The following NECAB2 variants were observed in gnomAD, a reference collection of about 807,000 sequenced individuals.
NECAB2 encodes N-terminal EF-hand calcium-binding protein 2.
In NECAB2, 68 loss-of-function variants were observed where a neutral mutation model predicts 51.9. The ratio of observed to expected loss-of-function variants is 1.31; its 90% CI spans 1.08 to 1.60. The LOEUF (loss-of-function observed/expected upper bound fraction) is 1.60, where lower values mean the gene tolerates loss of function less well. Among genes scored for constraint, NECAB2 ranks in the 40% most tolerant of loss-of-function variants. The pLI is 0.00. For synonymous variants in NECAB2, 329 were observed against 203.5 expected, an observed-to-expected ratio of 1.62 and a Z score of -5.25; for missense variants, 854 against 490.3, an observed-to-expected ratio of 1.74 and a Z score of -7.00.
chr16:83,997,364 C>A (rs1025089611), intron 9 of NECAB2, 95 bp downstream of exon 9: 15 of 1,506,902 alleles, frequency 1.0e-5, no homozygotes, highest in African/African-American at 1.4e-5. Flanking sequence ...ACCCCGCTCT[C>A]CCTGCTTGGG....
rs774622267 is a variant in NECAB2 at position 83,994,364 on chromosome 16, C to T, written c.659C>T (p.Ala220Val). ...ACCTGGTGTGGAAGCCCCACTCCCG[C>T]CTCTGCCCCCAACCACAAGCTCATG... ...AQTWCGSPTP[A>V]SAPNHKLMAM... The change falls in exon 7 of 13, where the codon GCC becomes GTC. Residue 220 changes from alanine to valine, a missense_variant. Ala to Val is a moderately conservative substitution (Grantham distance 64). Transcript: ENST00000305202. 1.2e-5 allele frequency: 19 copies of T among 1,614,104 alleles called. No individual in the cohort carries two copies. The highest frequency in any genetic ancestry group is 2.2e-5 in the East Asian group (1 of 44,892).
intron 3 of NECAB2, 116 bp from the exon 4 acceptor site, chr16:83,980,723 G>A (rs540475060): frequency 7.3e-7 from 1 of 1,373,644 alleles, no homozygotes; most frequent in Non-Finnish European, 1.0e-6. Context: ...AGCTTGTGGG[G>A]CCAGCACACA....
chr16:84,000,768 A>G lies in NECAB2; in HGVS notation c.1007A>G (p.Tyr336Cys), dbSNP rs1295329831. The change falls in exon 11 of 13, where the codon TAT (tyrosine) becomes TGT (cysteine). Residue 336 changes from tyrosine to cysteine, a missense_variant. Physicochemically the swap from Tyr to Cys is radical, Grantham distance 194 (BLOSUM62 -2). Transcript: ENST00000305202. ...RLSDGFTFVI[Y>C]EFWETEEAWK... ...TCAGATGGCTTCACCTTTGTCATCT[A>G]TGAGTTCTGGGAGACAGAGGAGGCG... The G allele has an allele frequency of 6.8e-6, 11 of 1,613,824 alleles. No homozygotes were observed. Among genetic ancestry groups the G allele is most frequent in the East Asian group, 6.7e-5 (3 of 44,880 alleles).
chr16:84,000,831 G>C (rs745870305), intron 11 of NECAB2, 30 bp downstream of exon 11: 2 of 1,403,478 alleles, frequency 1.4e-6, no homozygotes, highest in Non-Finnish European at 2.0e-6. Context: ...CAGCAGGTGA[G>C]GGAGACAGAG....
chr16:84,001,095 G>A (rs2084823375), intron 11 of NECAB2, among the ~76,000 whole-genome samples: 1 of 152,100 alleles, frequency 6.6e-6, no homozygotes, highest in Admixed American at 6.5e-5. Flanking sequence ...CCGAGGCACT[G>A]CCTTCTTTAC....
At position 84,000,617 on chromosome 16, in the gene NECAB2, G is replaced by T. The variant is rs1214194042; in HGVS notation, c.963-107G>T. On this transcript the variant is annotated intron_variant, in intron 10 of 12. Transcript: ENST00000305202. ...GGTCAAGACAGGAAGAAACATTGAA[G>T]GCAGCCGTTGTGTATAGTGGTGGGT... The T allele has an allele frequency of 1.6e-5, 13 of 797,830 alleles. No individual in the cohort carries two copies. The East Asian group carries it at 2.3e-4, about 14-fold the overall frequency. 49.4% of individuals were successfully genotyped at this position (797,830 alleles called of 1,614,324 possible).
At chr16:83,965,732 T>C (rs192546548), upstream of NECAB2, 13 of 1,613,554 alleles carry the variant, frequency 8.1e-6, no homozygotes, top group East Asian at 2.2e-4. Flanking sequence ...CGAGAAGGTG[T>C]TTGGGGTCTC....
At chr16:83,994,098 T>C (rs1231382223) in intron 6 of NECAB2, among the ~76,000 whole-genome samples, 1 of 152,216 alleles carries the variant, frequency 6.6e-6, no homozygotes, top group Non-Finnish European at 1.5e-5. Context: ...ATCCCAGCTC[T>C]GCCCAGCTAG....
At chr16:83,995,912 G>A (rs374770042) in intron 8 of NECAB2, among the ~76,000 whole-genome samples, 3 of 152,198 alleles carry the variant, frequency 2.0e-5, no homozygotes, top group South Asian at 2.1e-4. Context: ...CGGGCGCCTC[G>A]GGAGGGAGAC....
At chr16:83,996,474 C>A (rs7187407) in intron 8 of NECAB2, among the ~76,000 whole-genome samples, 2 of 152,110 alleles carry the variant, frequency 1.3e-5, no homozygotes, top group African/African-American at 4.8e-5. Flanking sequence ...CGTGCTTTAC[C>A]TGTGGCTGCC....
intron 4 of NECAB2, 60 bp from the exon 5 acceptor site, chr16:83,980,970 G>A (rs2084479826): frequency 1.9e-6 from 3 of 1,604,792 alleles, no homozygotes; most frequent in African/African-American, 2.7e-5. Context: ...GGGAGGTGCA[G>A]GAGTGCTGAG....
chr16:83,992,534 C>T (rs1263782410), intron 6 of NECAB2, among the ~76,000 whole-genome samples: 1 of 152,074 alleles, frequency 6.6e-6, no homozygotes, highest in Non-Finnish European at 1.5e-5. Flanking sequence ...TCGATTGAGC[C>T]CTTAATTTTC....
At chr16:83,999,416 C>CGTA (rs1468110410) in intron 10 of NECAB2, among the ~76,000 whole-genome samples, 1 of 152,078 alleles carries the variant, frequency 6.6e-6, no homozygotes, top group Admixed American at 6.6e-5. Context: ...GCACGGTGGA[C>CGTA]GTAGAGGCTC....
intron 6 of NECAB2, among the ~76,000 whole-genome samples, chr16:83,991,291 CTT>C: frequency 6.6e-6 from 1 of 151,744 alleles, no homozygotes; most frequent in East Asian, 1.9e-4. Context: ...CCTATTTTCT[CTT>C]TCTCTCTCTC....
At position 84,000,576 on chromosome 16, in the gene NECAB2, G is replaced by A. The variant is rs371853583; in HGVS notation, c.963-148G>A. The A allele has an allele frequency of 1.0e-4, 61 of 610,054 alleles. No homozygotes were observed. In the East Asian group the frequency reaches 1.5e-3, roughly 15 times the overall value. 37.8% of individuals were successfully genotyped at this position (610,054 alleles called of 1,614,324 possible). ...TTATTCCCTGTGCTGGGGTCACCCT[G>A]TCGAGTCTCGATGGAGGTCAAGACA... On this transcript the variant is annotated intron_variant, in intron 10 of 12. Transcript: ENST00000305202.
intron 8 of NECAB2, among the ~76,000 whole-genome samples, chr16:83,995,152 G>A (rs1250041654): frequency 3.9e-5 from 6 of 152,228 alleles, no homozygotes; most frequent in Admixed American, 6.5e-5. Flanking sequence ...GATATGGGAC[G>A]TCCACAGGTG....
chr16:83,981,744 C>A (rs1432683964), intron 5 of NECAB2, among the ~76,000 whole-genome samples: 2 of 152,098 alleles, frequency 1.3e-5, no homozygotes, highest in Admixed American at 1.3e-4. Context: ...CCAGGCACAC[C>A]CAGGAGGCAA....
chr16:83,996,637 C>T (rs17723451), intron 8 of NECAB2, among the ~76,000 whole-genome samples: 1 of 152,052 alleles, frequency 6.6e-6, no homozygotes, highest in Admixed American at 6.5e-5. Context: ...CTGACACTTA[C>T]ATGGCTTTCG....
At chr16:83,994,576 A>T in intron 7 of NECAB2, 33 bp from the exon 8 acceptor site, 1 of 1,613,534 alleles carries the variant, frequency 6.2e-7, no homozygotes, top group Admixed American at 1.7e-5. Flanking sequence ...CCTGCCCACC[A>T]CTGAAGTCTG....
Sources: gnomAD v4.1 joint callset for allele counts (sites outside exome capture counted in the v4.1 genomes callset) on GRCh38, gnomAD v4.1.1 for gene constraint, MANE v1.5 for transcripts, NCBI Gene and HGNC (gene_info 2026-07-23, HGNC 2026-07-21) for gene names.